The following ABHD2 variants were observed in gnomAD, a reference collection of about 807,000 sequenced individuals.
The protein encoded by ABHD2 is abhydrolase domain containing 2, acylglycerol lipase, also known as monoacylglycerol lipase ABHD2.
In ABHD2, 20 loss-of-function variants were observed where a neutral mutation model predicts 48.1. That is an observed-to-expected ratio of 0.42 (90% CI 0.29 to 0.60). The LOEUF (loss-of-function observed/expected upper bound fraction) is 0.60, where lower values mean the gene tolerates loss of function less well. ABHD2 is among the 20% of genes least tolerant of loss of function. The pLI is 0.24. For synonymous variants in ABHD2, 209 were observed against 214.2 expected (o/e 0.98, Z 0.21); for missense variants, 405 against 550.9 (o/e 0.74, Z 2.65).
chr15:89,131,182 C>G (rs1440940245), intron 3 of ABHD2, among the ~76,000 whole-genome samples: 1 of 152,232 alleles, frequency 6.6e-6, no homozygotes, highest in Non-Finnish European at 1.5e-5. Context: ...TCCTCACTGT[C>G]TGTAGGGCGA....
intron 1 of ABHD2, among the ~76,000 whole-genome samples, chr15:89,109,511 A>G (rs571384352): frequency 6.6e-6 from 1 of 151,940 alleles, no homozygotes; most frequent in East Asian, 1.9e-4. Context: ...CGACATACCC[A>G]GCCCTCCAGC....
Position 89,185,324 on chromosome 15 carries a change from C to A in ABHD2, c.723-100C>A. ...AGAGGCCACAGCCTGAGAGCCGGCCCTCTCCACACAAGCACCTCACCCCAT... is the reference window on the plus strand; with the variant it reads ...AGAGGCCACAGCCTGAGAGCCGGCCATCTCCACACAAGCACCTCACCCCAT... On this transcript the variant is annotated intron_variant, in intron 6 of 10. Transcript: ENST00000352732. The surrounding 1 kb of genome is among the most constrained non-coding windows in gnomAD (Gnocchi z 5.9). The A allele has an allele frequency of 1.2e-6, 1 of 840,148 alleles. No homozygotes were observed. The highest frequency in any genetic ancestry group is 2.0e-6 in the Non-Finnish European group (1 of 512,506). 52.0% of individuals were successfully genotyped at this position (840,148 alleles called of 1,614,324 possible). A position where few individuals can be genotyped will look rare whatever the true frequency, so the allele number is the denominator to read the frequency against.
intron 5 of ABHD2, among the ~76,000 whole-genome samples, chr15:89,165,285 T>TA (rs1334955134): frequency 6.6e-6 from 1 of 152,020 alleles, no homozygotes; most frequent in African/African-American, 2.4e-5. Flanking sequence ...TTTAACCTTC[T>TA]AAAAAATGTT....
intron 3 of ABHD2, among the ~76,000 whole-genome samples, chr15:89,143,778 C>T (rs2050447044): frequency 6.6e-6 from 1 of 151,718 alleles, no homozygotes; most frequent in Non-Finnish European, 1.5e-5. Flanking sequence ...AGGGGATGTT[C>T]AAGATCATTA....
intron 1 of ABHD2, among the ~76,000 whole-genome samples, chr15:89,095,124 C>G (rs1284492391): frequency 6.7e-6 from 1 of 150,096 alleles, no homozygotes. Flanking sequence ...ATCAATATCT[C>G]AGATTAAAGA....
At chr15:89,147,652 T>C (rs113157645) in intron 3 of ABHD2, among the ~76,000 whole-genome samples, 9,129 of 151,442 alleles carry the variant, frequency 0.06, 956 homozygotes, top group African/African-American at 0.21. Context: ...TGCGCCCGGC[T>C]GCATAGCTCT....
the ABHD2 span, among the ~76,000 whole-genome samples, chr15:89,063,126 C>T: frequency 1.3e-5 from 2 of 152,008 alleles, no homozygotes; most frequent in Admixed American, 1.3e-4. Context: ...CGCCACCATG[C>T]CCGGCTAATT....
chr15:89,044,539 A>C, the ABHD2 span, among the ~76,000 whole-genome samples: 467 of 151,684 alleles, frequency 3.1e-3, 1 homozygote, highest in African/African-American at 0.011. Flanking sequence ...AAGTGTTCCT[A>C]TTTCTCCACA....
Position 89,151,584 on chromosome 15 carries a change from AC to A in ABHD2, c.195-92del. The A allele has an allele frequency of 7.0e-7, 1 of 1,421,190 alleles. No individual in the cohort carries two copies. The highest frequency in any genetic ancestry group is 9.6e-7 in the Non-Finnish European group (1 of 1,043,470). The allele number at this position is 1,421,190 out of a possible 1,614,324, so 88.0% of individuals were successfully genotyped here. A position where few individuals can be genotyped will look rare whatever the true frequency, so the allele number is the denominator to read the frequency against. On this transcript the variant is annotated intron_variant, in intron 3 of 10. Transcript: ENST00000352732. The surrounding 1 kb of genome is among the most constrained non-coding windows in gnomAD (Gnocchi z 4.7). ...GCTTTGTGTGCAGAATTTCCCTGGA[AC>A]AAAAATAGGTTGAAAGAGTTTTGCT...
intron 4 of ABHD2, among the ~76,000 whole-genome samples, chr15:89,152,612 G>A (rs1449514044): frequency 6.6e-6 from 1 of 152,168 alleles, no homozygotes; most frequent in Non-Finnish European, 1.5e-5. Flanking sequence ...GCTCGGAGAT[G>A]CAGTATAGGC....
In ABHD2 at chr15:89,185,559, T is replaced by C. The variant is rs1170021334; in HGVS notation, c.815+43T>C. On this transcript the variant is annotated intron_variant, in intron 7 of 10. Transcript: ENST00000352732. This position sits in a 1 kb window ranked among gnomAD's most constrained non-coding sequence, Gnocchi z 5.9. ...CTCTCTCAGGAGACAGACAGTTCCT[T>C]CCTGAGCTCATCTGGGAACCGTGAA... 2 of 1,566,040 alleles carry C rather than the reference T, an allele frequency of 1.3e-6. No homozygotes were observed. Among genetic ancestry groups the C allele is most frequent in the Non-Finnish European group, 1.8e-6 (2 of 1,137,006 alleles).
At chr15:89,052,102 G>A in the ABHD2 span, among the ~76,000 whole-genome samples, 38,784 of 152,034 alleles carry the variant, frequency 0.26, 5,131 homozygotes, top group African/African-American at 0.31. Context: ...GCCAGAGGAT[G>A]GAAACAGATT....
At chr15:89,136,757 A>G (rs1214799136) in intron 3 of ABHD2, among the ~76,000 whole-genome samples, 1 of 152,258 alleles carries the variant, frequency 6.6e-6, no homozygotes, top group African/African-American at 2.4e-5. Context: ...TTCCTCCACT[A>G]GGAATAGTGG....
the ABHD2 span, among the ~76,000 whole-genome samples, chr15:89,067,291 A>T: frequency 6.6e-6 from 1 of 152,224 alleles, no homozygotes; most frequent in African/African-American, 2.4e-5. Context: ...CAAGCACATG[A>T]TCTACAACTG....
chr15:89,052,540 CAGACAGACAG>C, the ABHD2 span, among the ~76,000 whole-genome samples: 16 of 125,334 alleles, frequency 1.3e-4, no homozygotes, highest in South Asian at 6.1e-4. Context: ...GACAGACAGA[CAGACAGACAG>C]ACAGACAGAC....
At chr15:89,048,090 C>T in the ABHD2 span, among the ~76,000 whole-genome samples, 1 of 151,612 alleles carries the variant, frequency 6.6e-6, no homozygotes, top group Non-Finnish European at 1.5e-5. Flanking sequence ...TTAGGGCAGG[C>T]CTGGTGGTGA....
At position 89,197,118 on chromosome 15, in the gene ABHD2, G is replaced by T. The variant is rs1205085763; in HGVS notation, c.*1695G>T. ...ACAGGTGGGTGTGGTTTGGGCACGGGTCCAAGTGACTGTGACGGGACCCGT... is the reference window on the plus strand; with the variant it reads ...ACAGGTGGGTGTGGTTTGGGCACGGTTCCAAGTGACTGTGACGGGACCCGT... On this transcript the variant is annotated 3_prime_UTR_variant, in exon 11 of 11. Transcript: ENST00000352732. The surrounding 1 kb of genome is among the most constrained non-coding windows in gnomAD (Gnocchi z 4.4). 6.6e-5 allele frequency: 10 copies of T among 152,604 alleles called. No homozygotes were observed. The highest frequency in any genetic ancestry group is 2.4e-4 in the African/African-American group (10 of 41,442). The allele number at this position is 152,604 out of a possible 1,614,324, so 9.5% of individuals were successfully genotyped here.
At position 89,114,871 on chromosome 15, in the gene ABHD2, T is replaced by C. The variant is rs1029595165; in HGVS notation, c.-7+1047T>C. 7.2e-5 allele frequency among the ~76,000 whole-genome samples: 11 copies of C among 152,226 alleles called. No homozygotes were observed. Among genetic ancestry groups the C allele is most frequent in the Admixed American group, 5.2e-4 (8 of 15,288 alleles). ...ATGGCCTAGCCTTGATTTGAAATTG[T>C]GTCAGTAAGTTTTTAAAAATCCTTG... On this transcript the variant is annotated intron_variant, in intron 2 of 10. Transcript: ENST00000352732. The surrounding 1 kb of genome is among the most constrained non-coding windows in gnomAD (Gnocchi z 4.2).
At chr15:89,098,234 G>T (rs907280228) in intron 1 of ABHD2, among the ~76,000 whole-genome samples, 2 of 152,098 alleles carry the variant, frequency 1.3e-5, no homozygotes, top group Non-Finnish European at 2.9e-5. Flanking sequence ...TTTTTCTCAT[G>T]TATTCAATTA....
Sources: allele counts gnomAD v4.1 joint callset (sites outside exome capture counted in the v4.1 genomes callset), GRCh38; gene constraint gnomAD v4.1.1; non-coding constraint Gnocchi (gnomAD v3.1); transcripts MANE v1.5; gene names NCBI Gene and HGNC (gene_info 2026-07-23, HGNC 2026-07-21).